The following DNAJB11 variants were observed in gnomAD, a reference collection of about 807,000 sequenced individuals.
DNAJB11 encodes DnaJ heat shock protein family (Hsp40) member B11.
DNAJB11 carries 30 observed loss-of-function variants against 47.2 expected under a neutral mutation model. That is an observed-to-expected ratio of 0.64 (90% CI 0.48 to 0.86). DNAJB11 has a LOEUF of 0.86. DNAJB11 is among the 40% of genes least tolerant of loss of function. The probability of loss-of-function intolerance (pLI) is 0.00; values close to 1 mark genes in which losing one functional copy is unlikely to be tolerated. For missense variants in DNAJB11, 357 were observed against 440.2 expected, an observed-to-expected ratio of 0.81 and a Z score of 1.69; for synonymous variants, 151 against 159.9, an observed-to-expected ratio of 0.94 and a Z score of 0.42.
rs147185370 is a variant in DNAJB11 at position 186,584,492 on chromosome 3, G to C, written c.915G>C (p.Gly305=). ...CGAAGCTATGGAAGAAAGGGGAAGG[G>C]CTCCCCAACTTTGACAACAACAATA... ...PGAKLWKKGE[G]LPNFDNNNIK... The change falls in exon 9 of 10, where the codon GGG becomes GGC. Residue 305 remains glycine, a synonymous_variant. Transcript: ENST00000265028. 5.6e-6 allele frequency: 9 copies of C among 1,600,126 alleles called. No homozygotes were observed. The African/African-American group carries it at 1.2e-4, about 22-fold the overall frequency.
At chr3:186,572,657 G>A (rs1715123869) in intron 2 of DNAJB11, among the ~76,000 whole-genome samples, 1 of 152,224 alleles carries the variant, frequency 6.6e-6, no homozygotes, top group African/African-American at 2.4e-5. Flanking sequence ...GCCTTCATGA[G>A]AGTTGCAAAC....
intron 4 of DNAJB11, chr3:186,579,724 T>TTTGGTGTC (rs1715416865): frequency 1.3e-5 from 2 of 152,346 alleles, no homozygotes; most frequent in Non-Finnish European, 2.9e-5. Context: ...CTGTGTTTTG[T>TTTGGTGTC]TTGGTGTCTT....
chr3:186,572,673 T>C (rs1715124633), intron 2 of DNAJB11, among the ~76,000 whole-genome samples: 1 of 152,246 alleles, frequency 6.6e-6, no homozygotes, highest in Admixed American at 6.5e-5. Context: ...CAAACCTGCA[T>C]GTTCATATGA....
At chr3:186,576,853 T>C (rs1424749612) in intron 3 of DNAJB11, among the ~76,000 whole-genome samples, 1 of 152,184 alleles carries the variant, frequency 6.6e-6, no homozygotes, top group Non-Finnish European at 1.5e-5. Context: ...CCCTGTTCTT[T>C]CCCCTTGCCT....
chr3:186,585,205 T>C, intron 9 of DNAJB11, 139 bp from the exon 10 acceptor site: 1 of 592,606 alleles, frequency 1.7e-6, no homozygotes, highest in Non-Finnish European at 2.9e-6. Flanking sequence ...TGCAATTACG[T>C]TGGAGATTGG....
chr3:186,572,449 C>T (rs993641181), intron 2 of DNAJB11, among the ~76,000 whole-genome samples, 198 bp downstream of exon 2: 5 of 152,210 alleles, frequency 3.3e-5, no homozygotes, highest in Non-Finnish European at 5.9e-5. Flanking sequence ...TCAAGCAGTT[C>T]TCCCGCCTCA....
At chr3:186,583,791 T>C in intron 7 of DNAJB11, 74 bp from the exon 8 acceptor site, 1 of 1,119,562 alleles carries the variant, frequency 8.9e-7, no homozygotes, top group Non-Finnish European at 1.4e-6. Flanking sequence ...TGTTCACCTT[T>C]TTCCAAGAAT....
chr3:186,582,724 C>T lies in DNAJB11; in HGVS notation c.691C>T (p.His231Tyr). ...EYPFIGEGEP[H>Y]VDGEPGDLRF... ...TAATCTGCTCTGACTAGGTGAGCCT[C>T]ACGTGGATGGGGAGCCTGGAGATTT... The change falls in exon 7 of 10, where the codon CAC becomes TAC. Residue 231 changes from histidine to tyrosine, a missense_variant. By Grantham distance (83) the His-to-Tyr change is moderately conservative. Transcript: ENST00000265028. 1.3e-6 allele frequency: 2 copies of T among 1,591,822 alleles called. No homozygotes were observed. The highest frequency in any genetic ancestry group is 1.7e-6 in the Non-Finnish European group (2 of 1,167,780).
At position 186,570,934 on chromosome 3, in the gene DNAJB11, C is replaced by G; in HGVS notation, c.37C>G (p.Leu13Val). 9.4e-6 allele frequency: 15 copies of G among 1,596,048 alleles called. No individual in the cohort carries two copies. Among genetic ancestry groups the G allele is most frequent in the Non-Finnish European group, 1.3e-5 (15 of 1,170,920 alleles). The change falls in exon 1 of 10, where the codon CTG (leucine) becomes GTG (valine). Residue 13 changes from leucine (L) to valine (V), a missense_variant. By Grantham distance (32) the Leu-to-Val change is conservative. Coordinates refer to ENST00000265028, the MANE Select transcript of DNAJB11 (RefSeq NM_016306.6). The part of the protein sequence containing the change: ...PQNLSTFCLL[L>V]LYLIGAVIAG... ...GAACCTGAGCACCTTTTGCCTGTTG[C>G]TGCTATACCTCATCGGGGCGGTGAT...
chr3:186,582,800 C>G (rs893554619), intron 7 of DNAJB11, 27 bp downstream of exon 7: 1 of 1,522,262 alleles, frequency 6.6e-7, no homozygotes, highest in Non-Finnish European at 9.0e-7. Context: ...TAGAGGTCTT[C>G]TCAGATGAGT....
At chr3:186,584,331 G>A (rs996524229) in intron 8 of DNAJB11, 99 bp from the exon 9 acceptor site, 4 of 1,206,200 alleles carry the variant, frequency 3.3e-6, no homozygotes, top group African/African-American at 1.6e-5. Flanking sequence ...TTTTTGCTGA[G>A]CTGTGACATT....
rs1560236066 is a variant in DNAJB11, at chr3:186,577,938, A to T, written c.456+138A>T. 8 of 668,026 alleles carry T rather than the reference A, an allele frequency of 1.2e-5. No homozygotes were observed. In the East Asian group the frequency reaches 2.5e-4, roughly 21 times the overall value. The allele number at this position is 668,026 out of a possible 1,614,324, so 41.4% of individuals were successfully genotyped here. On this transcript the variant is annotated intron_variant, in intron 4 of 9. Coordinates refer to ENST00000265028, the MANE Select transcript of DNAJB11 (RefSeq NM_016306.6). ...TCAAATGCACAAAATTGAATTAATT[A>T]TAATGCTTGGTTCATGATACACTGA...
At chr3:186,576,503 A>G (rs955054980) in intron 3 of DNAJB11, among the ~76,000 whole-genome samples, 1 of 152,202 alleles carries the variant, frequency 6.6e-6, no homozygotes, top group Non-Finnish European at 1.5e-5. Context: ...TGATGATTAC[A>G]TATACTAAGA....
At chr3:186,572,391 G>C in intron 2 of DNAJB11, 140 bp downstream of exon 2, 1 of 857,672 alleles carries the variant, frequency 1.2e-6, no homozygotes, top group Non-Finnish European at 1.7e-6. Flanking sequence ...GCCTAGGCTG[G>C]AGTGCAGTGG....
intron 9 of DNAJB11, among the ~76,000 whole-genome samples, chr3:186,584,801 G>A (rs139913107): frequency 1.7e-3 from 266 of 152,226 alleles, no homozygotes; most frequent in African/African-American, 6.0e-3. Context: ...GTCTATGTAA[G>A]CTGTGCTTCA....
At chr3:186,581,550 A>G (rs1006534224) in intron 5 of DNAJB11, 37 bp downstream of exon 5, 8 of 1,600,572 alleles carry the variant, frequency 5.0e-6, no homozygotes, top group East Asian at 2.2e-5. Flanking sequence ...ACCAAGAAAC[A>G]CTTGTTAATT....
intron 6 of DNAJB11, 107 bp from the exon 7 acceptor site, chr3:186,582,609 C>A: frequency 2.3e-6 from 2 of 858,756 alleles, no homozygotes; most frequent in Non-Finnish European, 3.8e-6. Context: ...ACAGATTTGA[C>A]AGGTCAATGC....
chr3:186,571,085 T>G, intron 1 of DNAJB11, 120 bp downstream of exon 1: 1 of 954,262 alleles, frequency 1.0e-6, no homozygotes, highest in Non-Finnish European at 1.5e-6. Flanking sequence ...TCGCTGTGGG[T>G]TGGCGGGGTG....
intron 3 of DNAJB11, 108 bp downstream of exon 3, chr3:186,576,045 A>T: frequency 1.4e-6 from 1 of 705,144 alleles, no homozygotes; most frequent in Non-Finnish European, 2.4e-6. Context: ...GAACAGTACA[A>T]TTTAGCTGAT....
Sources: gnomAD v4.1 joint callset for allele counts (sites outside exome capture counted in the v4.1 genomes callset) on GRCh38, gnomAD v4.1.1 for gene constraint, MANE v1.5 for transcripts, NCBI Gene and HGNC (gene_info 2026-07-23, HGNC 2026-07-21) for gene names.